The following TLK2 variants were observed in gnomAD, a reference collection of about 807,000 sequenced individuals.
TLK2 encodes serine/threonine-protein kinase tousled-like 2.
A neutral mutation model predicts 117.3 loss-of-function variants in TLK2; 6 were observed. The ratio of observed to expected loss-of-function variants is 0.05; its 90% CI spans 0.03 to 0.10. The LOEUF (loss-of-function observed/expected upper bound fraction) is 0.10, where lower values mean the gene tolerates loss of function less well. TLK2 is among the 10% of genes least tolerant of loss of function. The pLI, the probability that TLK2 is intolerant of heterozygous loss-of-function variation, is 1.00. For missense variants in TLK2, 299 were observed against 901.2 expected (o/e 0.33, Z 8.56); for synonymous variants, 257 against 316.7 (o/e 0.81, Z 2.00).
At chr17:62,510,558 CT>C (rs1391847656) in intron 2 of TLK2, among the ~76,000 whole-genome samples, 1 of 152,172 alleles carries the variant, frequency 6.6e-6, no homozygotes, top group Non-Finnish European at 1.5e-5. Flanking sequence ...GTTCTGAAGA[CT>C]AGAAGTGCAA....
At chr17:62,601,933 CT>C (rs1464552098) in intron 18 of TLK2, 108 bp from the exon 19 acceptor site, 7 of 988,622 alleles carry the variant, frequency 7.1e-6, no homozygotes, top group Non-Finnish European at 7.3e-6. Flanking sequence ...TGGATGTTTG[CT>C]TTTGCAAGAG....
intron 21 of TLK2, among the ~76,000 whole-genome samples, chr17:62,608,631 T>C (rs1297933907): frequency 6.6e-6 from 1 of 152,158 alleles, no homozygotes; most frequent in Non-Finnish European, 1.5e-5. Context: ...TTTAATTGAC[T>C]CAGCTCAGCA....
In TLK2 at chr17:62,533,117, T is replaced by C. The variant is rs148190292; in HGVS notation, c.364-3053T>C. On this transcript the variant is annotated intron_variant, in intron 6 of 21. Transcript: ENST00000346027. Reference sequence around the variant, plus strand: ...GCATATGTCTCTTTTGAAATACTTGTGTGTTTTGGTTTTTGTTTTACTGAT... The same window carrying C: ...GCATATGTCTCTTTTGAAATACTTGCGTGTTTTGGTTTTTGTTTTACTGAT... 6.7e-3 allele frequency among the ~76,000 whole-genome samples: 1,015 copies of C among 151,972 alleles called. 12 individuals carry two copies. The highest frequency in any genetic ancestry group is 0.023 in the African/African-American group (968 of 41,532).
At chr17:62,549,256 G>A (rs1472293429) in intron 7 of TLK2, among the ~76,000 whole-genome samples, 6 of 147,370 alleles carry the variant, frequency 4.1e-5, no homozygotes, top group Admixed American at 1.3e-4. Flanking sequence ...AAAATTACCC[G>A]GGAGTGGTGG....
chr17:62,593,939 C>T (rs1009909772), intron 16 of TLK2, among the ~76,000 whole-genome samples: 2 of 151,410 alleles, frequency 1.3e-5, no homozygotes, highest in Admixed American at 6.6e-5. Flanking sequence ...ATTACAGGTG[C>T]ACACCACCGC....
Position 62,558,165 on chromosome 17 carries a change from C to A in TLK2, c.721-1851C>A, listed in dbSNP as rs1029562059. 1.2e-4 allele frequency among the ~76,000 whole-genome samples: 18 copies of A among 146,762 alleles called. 1 individual carries two copies. The highest frequency in any genetic ancestry group is 9.5e-4 in the Admixed American group (14 of 14,794). On this transcript the variant is annotated intron_variant, in intron 9 of 21. Transcript: ENST00000346027. Reference sequence around the variant, plus strand: ...TACTAGCCAGCTGCTTTTTTTTTTTCTTTTTTTTAATTAAAAAAAAAGGAC... The same window carrying A: ...TACTAGCCAGCTGCTTTTTTTTTTTATTTTTTTTAATTAAAAAAAAAGGAC...
intron 16 of TLK2, among the ~76,000 whole-genome samples, chr17:62,593,578 TTAGCC>T (rs938007333): frequency 6.6e-6 from 1 of 152,070 alleles, no homozygotes; most frequent in African/African-American, 2.4e-5. Flanking sequence ...ACACAACTCA[TTAGCC>T]TAGGCTTGCA....
At chr17:62,538,615 T>C (rs1328594923) in intron 7 of TLK2, among the ~76,000 whole-genome samples, 1 of 152,162 alleles carries the variant, frequency 6.6e-6, no homozygotes, top group Non-Finnish European at 1.5e-5. Flanking sequence ...GACCACCTAC[T>C]TAGTCCTATC....
At chr17:62,575,354 C>T (rs1278895632) in intron 12 of TLK2, among the ~76,000 whole-genome samples, 2 of 152,136 alleles carry the variant, frequency 1.3e-5, no homozygotes, top group Non-Finnish European at 2.9e-5. Flanking sequence ...GAATTCTTAG[C>T]CATCATTTTT....
chr17:62,485,793 G>C (rs1758641687), intron 2 of TLK2, among the ~76,000 whole-genome samples: 1 of 149,912 alleles, frequency 6.7e-6, no homozygotes, highest in Non-Finnish European at 1.5e-5. Flanking sequence ...GTTAAACTGG[G>C]TTGTGAACCT....
intron 15 of TLK2, among the ~76,000 whole-genome samples, chr17:62,583,256 CTATTTTTT>C (rs2081346169): frequency 1.3e-5 from 2 of 152,204 alleles, no homozygotes; most frequent in African/African-American, 4.8e-5. Flanking sequence ...CCAAGCCCAG[CTATTTTTT>C]TTGTATTTTT....
chr17:62,475,780 C>A (rs1341809789), upstream of TLK2, among the ~76,000 whole-genome samples: 2 of 148,230 alleles, frequency 1.3e-5, no homozygotes, highest in Admixed American at 6.8e-5. Context: ...CTGCCTTAGC[C>A]TCCCGAGTAG....
intron 2 of TLK2, among the ~76,000 whole-genome samples, chr17:62,505,981 C>T (rs1010850801): frequency 6.6e-6 from 1 of 152,206 alleles, no homozygotes; most frequent in Non-Finnish European, 1.5e-5. Flanking sequence ...GTGTGAGCCT[C>T]CGCACCCAGT....
At chr17:62,493,640 A>G (rs1598185312) in intron 2 of TLK2, among the ~76,000 whole-genome samples, 4 of 152,232 alleles carry the variant, frequency 2.6e-5, no homozygotes, top group Admixed American at 2.0e-4. Context: ...AGTCTTAGAA[A>G]TCCTGTTAAC....
At chr17:62,588,960 G>A (rs1240289697) in intron 16 of TLK2, among the ~76,000 whole-genome samples, 1 of 152,156 alleles carries the variant, frequency 6.6e-6, no homozygotes, top group Non-Finnish European at 1.5e-5. Flanking sequence ...TGCTAGTAAG[G>A]TCTGTTAATT....
intron 2 of TLK2, among the ~76,000 whole-genome samples, chr17:62,510,696 GCT>G (rs1334422849): frequency 1.3e-5 from 2 of 152,094 alleles, no homozygotes; most frequent in East Asian, 1.9e-4. Context: ...GTGCTCACTT[GCT>G]CTCTCTCATT....
At chr17:62,550,550 T>C (rs1253982274) in intron 7 of TLK2, 1 of 152,142 alleles carries the variant, frequency 6.6e-6, no homozygotes, top group Admixed American at 6.6e-5. Context: ...ACATAGGGAG[T>C]ACTTAATAAA....
At chr17:62,499,100 G>A (rs531009774) in intron 2 of TLK2, among the ~76,000 whole-genome samples, 184 of 152,114 alleles carry the variant, frequency 1.2e-3, no homozygotes, top group African/African-American at 4.3e-3. Context: ...CAGCACTTTG[G>A]GAGGCTGAGG....
upstream of TLK2, among the ~76,000 whole-genome samples, chr17:62,474,659 C>T (rs111762239): frequency 2.7e-5 from 4 of 150,812 alleles, no homozygotes; most frequent in East Asian, 2.0e-4. Flanking sequence ...CTGCCCGCCT[C>T]GGCCTACCAA....
Sources: allele counts gnomAD v4.1 joint callset (sites outside exome capture counted in the v4.1 genomes callset), GRCh38; gene constraint gnomAD v4.1.1; transcripts MANE v1.5; gene names NCBI Gene and HGNC (gene_info 2026-07-23, HGNC 2026-07-21).